MMAA: variants seen among roughly 807,000 people sequenced by gnomAD.
MMAA encodes the protein metabolism of cobalamin associated A, also known as methylmalonic aciduria type A protein, mitochondrial.
In MMAA, 41 loss-of-function variants were observed where a neutral mutation model predicts 45.0. The observed-to-expected ratio is 0.91, with a 90% CI of 0.71 to 1.18. The LOEUF (loss-of-function observed/expected upper bound fraction) is 1.18, where lower values mean the gene tolerates loss of function less well. Among genes scored for constraint, MMAA ranks in the 50% most tolerant of loss-of-function variants. The pLI is 0.00. For missense variants in MMAA, 460 were observed against 495.7 expected (o/e 0.93, Z 0.68); for synonymous variants, 154 against 178.2 (o/e 0.86, Z 1.08).
chr4:145,626,975 G>A (rs1314076648), intron 1 of MMAA, among the ~76,000 whole-genome samples: 1 of 152,100 alleles, frequency 6.6e-6, no homozygotes, highest in African/African-American at 2.4e-5. Context: ...GGAGTAAGAT[G>A]GTATCATCCT....
In MMAA at chr4:145,639,539, G is replaced by C. The variant is rs369113922; in HGVS notation, c.400G>C (p.Glu134Gln). The part of the protein sequence containing the change: ...QKVLLYHREQ[E>Q]QSNKGKPLAF... ...AGTATTACTTTACCACAGAGAACAA[G>C]AACAATCAAATAAAGGAAAACCACT... The change falls in exon 2 of 7, where the codon GAA (glutamate) becomes CAA (glutamine). Residue 134 changes from glutamate to glutamine, a missense_variant. By Grantham distance (29) the Glu-to-Gln change is conservative. Coordinates refer to ENST00000649156, the MANE Select transcript of MMAA (RefSeq NM_172250.3). 57 of 1,611,100 alleles carry C rather than the reference G, an allele frequency of 3.5e-5. 1 individual carries two copies. The highest frequency in any genetic ancestry group is 4.3e-5 in the Non-Finnish European group (51 of 1,178,446).
rs1374111136 is a variant in MMAA at position 145,654,067 on chromosome 4, C to T, written c.893C>T (p.Pro298Leu). 3.7e-6 allele frequency: 6 copies of T among 1,613,960 alleles called. No homozygotes were observed. The Admixed American group carries it at 8.3e-5, about 22-fold the overall frequency. ...VTKSDGDLIVPARRIQAEYVS... is the reference protein window; with the variant it reads ...VTKSDGDLIVLARRIQAEYVS... ...AAATCTGATGGAGACTTGATTGTGC[C>T]AGCTCGAAGGATACAAGCGGAATAT... Residue 298 changes from proline to leucine, a missense_variant, in exon 6 of 7, where the codon CCA becomes CTA. By Grantham distance (98) the Pro-to-Leu change is moderately conservative (BLOSUM62 -3). Transcript: ENST00000649156.
At chr4:145,631,976 A>G (rs924644253) in intron 1 of MMAA, among the ~76,000 whole-genome samples, 14 of 152,122 alleles carry the variant, frequency 9.2e-5, no homozygotes, top group Non-Finnish European at 1.0e-4. Flanking sequence ...TTCTGTTCAT[A>G]TATTACTGTC....
At position 145,620,952 on chromosome 4, in the gene MMAA, G is replaced by A. The variant is rs138082708; in HGVS notation, c.-66+1545G>A. 2.4e-3 allele frequency among the ~76,000 whole-genome samples: 372 copies of A among 152,322 alleles called. 1 individual carries two copies. The highest frequency in any genetic ancestry group is 8.1e-3 in the African/African-American group (337 of 41,582). On this transcript the variant is annotated intron_variant, in intron 1 of 6. Coordinates refer to ENST00000649156, the MANE Select transcript of MMAA (RefSeq NM_172250.3). The stretch of plus-strand genomic sequence containing the variant: ...TGGGGACTACACTTTGAGAACCACT[G>A]TCCTAGGGTACGGTGAACTTTTGGA...
chr4:145,634,095 T>G (rs575446851), intron 1 of MMAA, among the ~76,000 whole-genome samples: 2 of 152,376 alleles, frequency 1.3e-5, no homozygotes, highest in African/African-American at 4.8e-5. Flanking sequence ...TTCCTAGGGC[T>G]ATACAGTCAG....
intron 4 of MMAA, among the ~76,000 whole-genome samples, chr4:145,649,739 C>T (rs1187453957): frequency 1.3e-5 from 2 of 152,052 alleles, no homozygotes; most frequent in African/African-American, 4.8e-5. Context: ...GTCCATCACA[C>T]CGAGAAAGGG....
chr4:145,638,144 C>T (rs1015108789), intron 1 of MMAA, among the ~76,000 whole-genome samples: 1 of 152,050 alleles, frequency 6.6e-6, no homozygotes, highest in East Asian at 1.9e-4. Flanking sequence ...CCGAGGCGGG[C>T]GGCTCACGAG....
chr4:145,637,583 G>A (rs771995695), intron 1 of MMAA, among the ~76,000 whole-genome samples: 11 of 151,812 alleles, frequency 7.2e-5, no homozygotes, highest in Non-Finnish European at 1.3e-4. Context: ...TTAATTTCAT[G>A]TTCATCGGCC....
intron 6 of MMAA, 72 bp downstream of exon 6, chr4:145,654,215 C>A: frequency 6.6e-7 from 1 of 1,524,864 alleles, no homozygotes; most frequent in African/African-American, 1.4e-5. Flanking sequence ...ATATAAGTCC[C>A]AAACTAGACA....
intron 5 of MMAA, among the ~76,000 whole-genome samples, chr4:145,651,607 C>T (rs1007820022): frequency 8.5e-5 from 13 of 152,318 alleles, no homozygotes; most frequent in Admixed American, 5.2e-4. Context: ...CACAAGCCTC[C>T]TCTCACTGCA....
In MMAA at chr4:145,639,185, C is replaced by A; in HGVS notation, c.46C>A (p.Leu16Ile). The stretch of plus-strand genomic sequence containing the variant: ...TCCTCACCAGCATTTCCTAAAAGGC[C>A]TTTTAAGAGCACCTTTCCGATGTTA... ...PHPHQHFLKG[L>I]LRAPFRCYHF... Residue 16 changes from leucine (L) to isoleucine (I), a missense_variant, in exon 2 of 7, where the codon CTT becomes ATT. Physicochemically the swap from Leu to Ile is conservative, Grantham distance 5. Transcript: ENST00000649156. 1.9e-6 allele frequency: 3 copies of A among 1,614,144 alleles called. No individual in the cohort carries two copies. The highest frequency in any genetic ancestry group is 3.3e-5 in the Admixed American group (2 of 60,008).
At chr4:145,624,748 TCTC>T (rs765177962) in intron 1 of MMAA, 134 of 1,596,964 alleles carry the variant, frequency 8.4e-5, no homozygotes, top group East Asian at 1.3e-4. Context: ...TACAGAGCCT[TCTC>T]CTCACAATTC....
intron 1 of MMAA, chr4:145,624,014 T>C (rs1201970230): frequency 1.4e-6 from 1 of 723,138 alleles, no homozygotes; most frequent in Non-Finnish European, 2.5e-6. Flanking sequence ...GATGACTCAC[T>C]TCACTTTACT....
In MMAA at chr4:145,654,086, G is replaced by A. The variant is rs371769807; in HGVS notation, c.912G>A (p.Ala304=). ...TTGTGCCAGCTCGAAGGATACAAGC[G>A]GAATATGTGAGTGCACTGAAATTAC... ...DLIVPARRIQ[A]EYVSALKLLR... is the part of the protein sequence containing the mutation. The change falls in exon 6 of 7, where the codon GCG becomes GCA. Residue 304 remains alanine (A), a synonymous_variant. Coordinates refer to ENST00000649156, the MANE Select transcript of MMAA (RefSeq NM_172250.3). 35 of 1,613,986 alleles carry A rather than the reference G, an allele frequency of 2.2e-5. No homozygotes were observed. The highest frequency in any genetic ancestry group is 5.3e-5 in the African/African-American group (4 of 74,924).
At position 145,624,820 on chromosome 4, in the gene MMAA, C is replaced by T. The variant is rs1734166608; in HGVS notation, c.-66+5413C>T. ...GGCTCATTGGCTCTGCACACCTCCT[C>T]TACCTTACATGGGTCCTGATGGTTC... On this transcript the variant is annotated intron_variant, in intron 1 of 6. Transcript: ENST00000649156. The T allele has an allele frequency of 3.1e-6, 5 of 1,608,236 alleles. No individual in the cohort carries two copies. The Admixed American group carries it at 8.4e-5, about 27-fold the overall frequency.
chr4:145,634,150 G>A (rs1004111070), intron 1 of MMAA, among the ~76,000 whole-genome samples: 4 of 152,208 alleles, frequency 2.6e-5, no homozygotes, highest in Non-Finnish European at 5.9e-5. Flanking sequence ...TTTGAGGGTG[G>A]TAAGTTCCCC....
At chr4:145,649,879 G>A (rs893827202) in intron 4 of MMAA, among the ~76,000 whole-genome samples, 8 of 152,056 alleles carry the variant, frequency 5.3e-5, no homozygotes, top group African/African-American at 1.9e-4. Flanking sequence ...TCAGGTTCAA[G>A]CTGTCCTTCC....
At chr4:145,641,786 G>A (rs1403230166) in intron 2 of MMAA, among the ~76,000 whole-genome samples, 7 of 152,304 alleles carry the variant, frequency 4.6e-5, no homozygotes, top group South Asian at 2.1e-4. Flanking sequence ...CTTACCGGCC[G>A]TGCACTGCCA....
chr4:145,626,203 G>T (rs1310327007), intron 1 of MMAA, among the ~76,000 whole-genome samples: 1 of 152,154 alleles, frequency 6.6e-6, no homozygotes, highest in Non-Finnish European at 1.5e-5. Flanking sequence ...TGAGTTACAT[G>T]AGCAGGTAGG....
Sources: gnomAD v4.1 joint callset for allele counts (sites outside exome capture counted in the v4.1 genomes callset) on GRCh38, gnomAD v4.1.1 for gene constraint, MANE v1.5 for transcripts, NCBI Gene and HGNC (gene_info 2026-07-23, HGNC 2026-07-21) for gene names.